Variants in LRBA observed in about 807,000 individuals in gnomAD.
The protein encoded by LRBA is lipopolysaccharide-responsive and beige-like anchor protein.
In LRBA, 176 loss-of-function variants were observed where a neutral mutation model predicts 330.0. The ratio of observed to expected loss-of-function variants is 0.53; its 90% CI spans 0.47 to 0.60. The LOEUF (loss-of-function observed/expected upper bound fraction) is 0.60, where lower values mean the gene tolerates loss of function less well. Ranked by LOEUF, LRBA falls within the 20% of genes least tolerant of loss-of-function variation. LRBA has a pLI of 0.00. For synonymous variants in LRBA, 1,230 were observed against 1,193.0 expected, an observed-to-expected ratio of 1.03 and a Z score of -0.64; for missense variants, 3,259 against 3,444.8, an observed-to-expected ratio of 0.95 and a Z score of 1.35.
intron 47 of LRBA, among the ~76,000 whole-genome samples, chr4:150,386,141 T>C (rs574828879): frequency 6.6e-6 from 1 of 152,096 alleles, no homozygotes; most frequent in Admixed American, 6.6e-5. Context: ...AAGATACATG[T>C]AAGATATTCT....
intron 48 of LRBA, among the ~76,000 whole-genome samples, chr4:150,327,496 C>A (rs975974748): frequency 6.6e-6 from 1 of 152,128 alleles, no homozygotes; most frequent in Non-Finnish European, 1.5e-5. Context: ...TCCTGCCCGG[C>A]AGCCCACATG....
At chr4:150,483,078 T>A (rs1757474238) in intron 42 of LRBA, among the ~76,000 whole-genome samples, 1 of 152,116 alleles carries the variant, frequency 6.6e-6, no homozygotes, top group African/African-American at 2.4e-5. Flanking sequence ...CAAAGATTTT[T>A]CTCCTATGTG....
intron 37 of LRBA, among the ~76,000 whole-genome samples, chr4:150,630,289 T>C (rs537569477): frequency 2.0e-5 from 3 of 152,186 alleles, no homozygotes; most frequent in Non-Finnish European, 4.4e-5. Context: ...ACCAGAATGA[T>C]CTATCCTAAA....
intron 2 of LRBA, among the ~76,000 whole-genome samples, chr4:150,981,464 G>A (rs1375699477): frequency 6.8e-6 from 1 of 146,400 alleles, no homozygotes; most frequent in Non-Finnish European, 1.5e-5. Flanking sequence ...AAAAGACCCA[G>A]AATAGCCAAA....
intron 50 of LRBA, among the ~76,000 whole-genome samples, chr4:150,318,212 G>T (rs908293571): frequency 1.3e-5 from 2 of 152,248 alleles, no homozygotes; most frequent in African/African-American, 4.8e-5. Flanking sequence ...TTGGCCACCA[G>T]TTAGAATTTT....
Position 150,916,635 on chromosome 4 carries a change from T to A in LRBA, c.749A>T (p.Asp250Val), listed in dbSNP as rs201285739. ...DPVNNINVDKDKPYLYCFRTS... is the reference protein window; with the variant it reads ...DPVNNINVDKVKPYLYCFRTS... ...TACATACCAATACAAATATGGTTTATCCTTATCTACATTGATGTTATTTAC... is the reference window on the plus strand; with the variant it reads ...TACATACCAATACAAATATGGTTTAACCTTATCTACATTGATGTTATTTAC... The change falls in exon 6 of 57, where the codon GAT becomes GTT. Residue 250 changes from aspartate to valine, a missense_variant. Physicochemically the swap from Asp to Val is radical, Grantham distance 152 (BLOSUM62 -3). Coordinates refer to ENST00000651943, the MANE Select transcript of LRBA (RefSeq NM_001364905.1). The A allele has an allele frequency of 7.4e-5, 118 of 1,599,382 alleles. No individual in the cohort carries two copies. The highest frequency in any genetic ancestry group is 1.7e-5 in the Admixed American group (1 of 57,258).
chr4:150,585,030 TAA>T (rs569397475), intron 40 of LRBA, among the ~76,000 whole-genome samples: 234 of 152,326 alleles, frequency 1.5e-3, no homozygotes, highest in Non-Finnish European at 2.6e-3. Flanking sequence ...CATTAAAAAT[TAA>T]GAGATGTGCT....
In LRBA at chr4:150,780,671, G is replaced by GTA. The variant is rs1193494948; in HGVS notation, c.5580+17408_5580+17409dup. Among the ~76,000 whole-genome samples the GTA allele has an allele frequency of 4.8e-3, 46 of 9,678 alleles. No individual in the cohort carries two copies. In the East Asian group the frequency reaches 0.06, roughly 13 times the overall value. The allele number at this position is 9,678 out of a possible 152,430, so 6.3% of individuals were successfully genotyped here. ...TGTGTATATATATACGTGTGTGTGT[G>GTA]TATATATATATATGCATACCAAGTA... On this transcript the variant is annotated intron_variant, in intron 34 of 56. Transcript: ENST00000651943.
chr4:150,997,730 GTCTC>G (rs1385686607), intron 2 of LRBA, among the ~76,000 whole-genome samples: 1 of 151,398 alleles, frequency 6.6e-6, no homozygotes, highest in South Asian at 2.1e-4. Context: ...TTGAGACAGA[GTCTC>G]TCTCTGTCGC....
chr4:150,286,010 A>G lies in LRBA; in HGVS notation c.8042T>C (p.Ile2681Thr). The change falls in exon 54 of 57, where the codon ATT becomes ACT. Residue 2681 changes from isoleucine to threonine, a missense_variant. By Grantham distance (89) the Ile-to-Thr change is moderately conservative (BLOSUM62 -1). Transcript: ENST00000651943. ...GACCTCATAGTCATGGCCGGTCAAA[A>G]TGGCCCGAGGAGCAGCAGTCTCACC... ...PGSETAAPRA[I>T]LTGHDYEVTC... 1 of 1,585,788 alleles carries G rather than the reference A, an allele frequency of 6.3e-7. No individual in the cohort carries two copies. The highest frequency in any genetic ancestry group is 1.2e-5 in the South Asian group (1 of 86,608).
At chr4:150,833,574 A>T (rs1256841267) in intron 28 of LRBA, among the ~76,000 whole-genome samples, 2 of 152,198 alleles carry the variant, frequency 1.3e-5, no homozygotes, top group East Asian at 3.8e-4. Flanking sequence ...TATTAATTGT[A>T]CAACAGCATT....
intron 47 of LRBA, among the ~76,000 whole-genome samples, chr4:150,374,937 C>T (rs75550832): frequency 0.15 from 22,319 of 152,092 alleles, 1,800 homozygotes; most frequent in Admixed American, 0.19. Flanking sequence ...TAGCAGGAAA[C>T]AGAAGACATA....
chr4:150,656,264 C>T (rs1332257238), intron 37 of LRBA, among the ~76,000 whole-genome samples: 1 of 152,208 alleles, frequency 6.6e-6, no homozygotes, highest in Non-Finnish European at 1.5e-5. Context: ...ATATCAAGAG[C>T]ATCAGCCAAA....
chr4:150,611,495 G>A (rs1177699614), intron 37 of LRBA, among the ~76,000 whole-genome samples: 1 of 152,090 alleles, frequency 6.6e-6, no homozygotes, highest in Non-Finnish European at 1.5e-5. Flanking sequence ...ATTGGTATGA[G>A]TTTAAATATC....
At chr4:150,386,683 T>G (rs1403407526) in intron 47 of LRBA, among the ~76,000 whole-genome samples, 1 of 152,188 alleles carries the variant, frequency 6.6e-6, no homozygotes, top group Non-Finnish European at 1.5e-5. Context: ...GGCATTTAGG[T>G]TGATTCCATG....
intron 40 of LRBA, among the ~76,000 whole-genome samples, chr4:150,499,659 A>G (rs915839947): frequency 2.0e-5 from 3 of 151,550 alleles, no homozygotes; most frequent in African/African-American, 7.3e-5. Flanking sequence ...ATTTTTGTCT[A>G]ATGTTCCCCA....
At chr4:150,562,468 T>A (rs1049896219) in intron 40 of LRBA, among the ~76,000 whole-genome samples, 2 of 152,302 alleles carry the variant, frequency 1.3e-5, no homozygotes, top group Admixed American at 6.5e-5. Flanking sequence ...CATATTCATT[T>A]TCTCTATACA....
Position 150,867,880 on chromosome 4 carries a change from G to C in LRBA, c.2574-17C>G, listed in dbSNP as rs1199459604. 1.3e-6 allele frequency: 2 copies of C among 1,566,660 alleles called. No homozygotes were observed. Among genetic ancestry groups the C allele is most frequent in the Non-Finnish European group, 1.7e-6 (2 of 1,154,578 alleles). On this transcript the variant is annotated splice_polypyrimidine_tract_variant and intron_variant, in intron 21 of 56. Coordinates refer to ENST00000651943, the MANE Select transcript of LRBA (RefSeq NM_001364905.1). Reference sequence around the variant, plus strand: ...AGCAAGCTCCTGAAAATTATGAGAGGGTACTAAATTACTGAAGAAAAAAAA... The same window carrying C: ...AGCAAGCTCCTGAAAATTATGAGAGCGTACTAAATTACTGAAGAAAAAAAA...
intron 46 of LRBA, among the ~76,000 whole-genome samples, chr4:150,415,844 A>G (rs557218628): frequency 6.6e-6 from 1 of 152,308 alleles, no homozygotes; most frequent in African/African-American, 2.4e-5. Context: ...TCATAACCTC[A>G]AAACTCTTAA....
Sources: allele counts gnomAD v4.1 joint callset (sites outside exome capture counted in the v4.1 genomes callset), GRCh38; gene constraint gnomAD v4.1.1; transcripts MANE v1.5; gene names NCBI Gene and HGNC (gene_info 2026-07-23, HGNC 2026-07-21).